RYR3: variants seen among roughly 807,000 people sequenced by gnomAD.
The protein encoded by RYR3 is brain ryanodine receptor-calcium release channel.
Under a neutral mutation model 584.3 loss-of-function variants are expected in RYR3, and 207 were observed. The ratio of observed to expected loss-of-function variants is 0.35; its 90% CI spans 0.32 to 0.40. The LOEUF is 0.40. Among genes scored for constraint, RYR3 ranks in the 10% least tolerant of loss-of-function variants. The pLI, the probability that RYR3 is intolerant of heterozygous loss-of-function variation, is 1.00. For missense variants in RYR3, 5,616 were observed against 6,089.2 expected (o/e 0.92, Z 2.59); for synonymous variants, 2,416 against 2,248.5 (o/e 1.07, Z -2.11).
intron 43 of RYR3, among the ~76,000 whole-genome samples, chr15:33,708,967 C>T (rs1375568424): frequency 6.6e-6 from 1 of 152,030 alleles, no homozygotes; most frequent in Non-Finnish European, 1.5e-5. Context: ...GAGCAGGTAG[C>T]AGGTAATCAG....
intron 103 of RYR3, 87 bp from the exon 104 acceptor site, chr15:33,865,044 A>C (rs1890009211): frequency 1.0e-6 from 1 of 955,252 alleles, no homozygotes; most frequent in Non-Finnish European, 1.7e-6. Flanking sequence ...CAGTCTTCCT[A>C]AAGGGAGCCA....
At chr15:33,722,989 C>T (rs1216865585) in intron 44 of RYR3, 94 bp downstream of exon 44, 2 of 1,146,838 alleles carry the variant, frequency 1.7e-6, no homozygotes, top group East Asian at 2.4e-5. Context: ...ATAGAGAAAG[C>T]ACATGTTCTT....
intron 85 of RYR3, among the ~76,000 whole-genome samples, chr15:33,827,842 C>A (rs549072146): frequency 6.6e-6 from 1 of 152,130 alleles, no homozygotes; most frequent in African/African-American, 2.4e-5. Flanking sequence ...TGCCTGTGTT[C>A]CAGTTTTTTC....
At chr15:33,404,100 G>A (rs1015748888) in intron 1 of RYR3, among the ~76,000 whole-genome samples, 3 of 152,270 alleles carry the variant, frequency 2.0e-5, no homozygotes, top group East Asian at 1.9e-4. Context: ...GAATTTGGTC[G>A]TAAAATAACA....
rs139063789 is a variant in RYR3, at chr15:33,664,589, G to GTATATATATATATATATATATATA, written c.5619+855_5619+878dup. ...TATATAGATATATGTGTGTGTGTGT[G>GTATATATATATATATATATATATA]TATATATATATATATATATATATAT... On this transcript the variant is annotated intron_variant, in intron 36 of 103. Transcript: ENST00000634891. Among the ~76,000 whole-genome samples, 260 of 91,276 alleles carry GTATATATATATATATATATATATA rather than the reference G, an allele frequency of 2.8e-3. 8 individuals are homozygous for GTATATATATATATATATATATATA. Among genetic ancestry groups the GTATATATATATATATATATATATA allele is most frequent in the African/African-American group, 6.1e-3 (139 of 22,710 alleles). 59.9% of individuals were successfully genotyped at this position (91,276 alleles called of 152,430 possible).
chr15:33,384,219 A>G (rs886129825), intron 1 of RYR3, among the ~76,000 whole-genome samples: 2 of 152,088 alleles, frequency 1.3e-5, no homozygotes, highest in Non-Finnish European at 2.9e-5. Context: ...TTGACTGTTT[A>G]TCTTTTTTAA....
intron 1 of RYR3, among the ~76,000 whole-genome samples, chr15:33,405,282 A>AC (rs1255531663): frequency 6.6e-6 from 1 of 152,008 alleles, no homozygotes; most frequent in Non-Finnish European, 1.5e-5. Context: ...GTTATAAACC[A>AC]CTCCTGATTC....
chr15:33,552,179 T>C (rs1275220873), intron 10 of RYR3, among the ~76,000 whole-genome samples: 1 of 152,204 alleles, frequency 6.6e-6, no homozygotes, highest in Non-Finnish European at 1.5e-5. Flanking sequence ...GGCAGGATCC[T>C]GTTCCAAGGG....
chr15:33,646,782 A>T (rs1187067071), intron 29 of RYR3, among the ~76,000 whole-genome samples: 1 of 151,912 alleles, frequency 6.6e-6, no homozygotes, highest in Non-Finnish European at 1.5e-5. Context: ...CTCTTCTTGA[A>T]CTCTGAGCCC....
chr15:33,347,798 T>G (rs1380324195), intron 1 of RYR3, among the ~76,000 whole-genome samples: 1 of 152,152 alleles, frequency 6.6e-6, no homozygotes, highest in Non-Finnish European at 1.5e-5. Flanking sequence ...CCTTACTTTC[T>G]GACACTAGAA....
At chr15:33,786,806 C>T (rs2074753070) in intron 66 of RYR3, among the ~76,000 whole-genome samples, 1 of 152,122 alleles carries the variant, frequency 6.6e-6, no homozygotes, top group Admixed American at 6.5e-5. Flanking sequence ...ACTATTAATC[C>T]AACACTGGTA....
Position 33,780,296 on chromosome 15 carries a change from A to G in RYR3, c.9223A>G (p.Asn3075Asp). ...AFLEPTLNRYNPLSVFNTKTP... is the reference protein window; with the variant it reads ...AFLEPTLNRYDPLSVFNTKTP... ...CCTGGAGCCCACCCTTAATCGCTAC[A>G]ATCCACTCTCGGTCTTCAACACCAA... Residue 3075 changes from asparagine (N) to aspartate (D), a missense_variant, in exon 65 of 104, where the codon AAT becomes GAT. Transcript: ENST00000634891. 1.2e-6 allele frequency: 2 copies of G among 1,613,862 alleles called. No individual in the cohort carries two copies. Among genetic ancestry groups the G allele is most frequent in the Non-Finnish European group, 1.7e-6 (2 of 1,179,828 alleles).
At position 33,623,948 on chromosome 15, in the gene RYR3, C is replaced by T; in HGVS notation, c.2499C>T (p.Gly833=). The part of the protein sequence containing the change: ...PVKEYKRDAD[G]IRDLLGTTQF... ...AAGAATATAAACGTGATGCTGATGGCATTAGAGATCTCTTGGGTACCACCC... is the reference window on the plus strand; with the variant it reads ...AAGAATATAAACGTGATGCTGATGGTATTAGAGATCTCTTGGGTACCACCC... The change falls in exon 20 of 104, where the codon GGC becomes GGT. Residue 833 remains glycine (G), a synonymous_variant. Coordinates refer to ENST00000634891, the MANE Select transcript of RYR3 (RefSeq NM_001036.6). 2 of 1,613,946 alleles carry T rather than the reference C, an allele frequency of 1.2e-6. No individual in the cohort carries two copies. The highest frequency in any genetic ancestry group is 1.7e-6 in the Non-Finnish European group (2 of 1,179,846).
intron 1 of RYR3, among the ~76,000 whole-genome samples, chr15:33,318,732 A>T (rs1051885025): frequency 6.6e-6 from 1 of 152,222 alleles, no homozygotes; most frequent in Non-Finnish European, 1.5e-5. Flanking sequence ...TCAGAAGAGC[A>T]TTATTCACCA....
In RYR3 at chr15:33,830,982, A is replaced by G; in HGVS notation, c.11354A>G (p.Tyr3785Cys). Residue 3785 changes from tyrosine (Y) to cysteine (C), a missense_variant, in exon 86 of 104, where the codon TAC becomes TGC. Around this residue, in one of 9 missense-constraint regions of RYR3, gnomAD observed 954 missense variants for 1,132.2 expected, o/e 0.84. Coordinates refer to ENST00000634891, the MANE Select transcript of RYR3 (RefSeq NM_001036.6). Reference protein sequence around the residue: ...LRLQESISDFYWYYSGKDIID... With the variant: ...LRLQESISDFCWYYSGKDIID... Reference sequence around the variant, plus strand: ...TTTTAGGAATCAATCAGTGATTTCTACTGGTATTATTCAGGGAAGGACATC... The same window carrying G: ...TTTTAGGAATCAATCAGTGATTTCTGCTGGTATTATTCAGGGAAGGACATC... 1.2e-6 allele frequency: 2 copies of G among 1,613,572 alleles called. No homozygotes were observed. The highest frequency in any genetic ancestry group is 1.7e-6 in the Non-Finnish European group (2 of 1,179,700).
At chr15:33,536,514 A>G (rs771477335) in intron 5 of RYR3, among the ~76,000 whole-genome samples, 18 of 152,204 alleles carry the variant, frequency 1.2e-4, no homozygotes, top group Non-Finnish European at 2.4e-4. Context: ...GGACTGGCCC[A>G]TCCCACTGCT....
chr15:33,722,955 G>T, intron 44 of RYR3, 60 bp downstream of exon 44: 4 of 1,402,904 alleles, frequency 2.9e-6, no homozygotes, highest in Non-Finnish European at 3.9e-6. Context: ...AGATATTATT[G>T]GTATACGGAT....
intron 1 of RYR3, among the ~76,000 whole-genome samples, chr15:33,351,938 G>T (rs1973327591): frequency 1.3e-5 from 2 of 151,706 alleles, no homozygotes; most frequent in Admixed American, 1.3e-4. Flanking sequence ...GGAAATAAAG[G>T]GTATTCAATT....
intron 80 of RYR3, 142 bp from the exon 81 acceptor site, chr15:33,822,854 A>C: frequency 1.8e-6 from 1 of 565,544 alleles, no homozygotes; most frequent in African/African-American, 1.9e-5. Flanking sequence ...TAAAATAAAC[A>C]TGATCTACCC....
Sources: gnomAD v4.1 joint callset for allele counts (sites outside exome capture counted in the v4.1 genomes callset) on GRCh38, gnomAD v4.1.1 for gene constraint, gnomAD v4.1.1 regional missense constraint, MANE v1.5 for transcripts, NCBI Gene and HGNC (gene_info 2026-07-23, HGNC 2026-07-21) for gene names.